Variants in MAPK10 observed in about 807,000 individuals in gnomAD.
The protein encoded by MAPK10 is JNK3 alpha protein kinase.
MAPK10 carries 25 observed loss-of-function variants against 59.3 expected under a neutral mutation model. That is an observed-to-expected ratio of 0.42 (90% CI 0.31 to 0.59). MAPK10 has a LOEUF of 0.59. MAPK10 is among the 20% of genes least tolerant of loss of function. MAPK10 has a pLI of 0.15. For missense variants in MAPK10, 351 were observed against 568.9 expected, an observed-to-expected ratio of 0.62 and a Z score of 3.90; for synonymous variants, 190 against 200.5, an observed-to-expected ratio of 0.95 and a Z score of 0.44.
intron 2 of MAPK10, among the ~76,000 whole-genome samples, chr4:86,332,096 T>C (rs1373138448): frequency 6.6e-6 from 1 of 152,196 alleles, no homozygotes; most frequent in Non-Finnish European, 1.5e-5. Flanking sequence ...AAAGCTCCAT[T>C]TATGGTACAC....
chr4:86,454,420 AAC>A (rs1751057349), upstream of MAPK10, among the ~76,000 whole-genome samples: 1 of 152,202 alleles, frequency 6.6e-6, no homozygotes, highest in South Asian at 2.1e-4. Context: ...ATAAATAAAA[AAC>A]AATCAAAACT....
intron 1 of MAPK10, among the ~76,000 whole-genome samples, chr4:86,557,239 A>G (rs1365818881): frequency 1.3e-5 from 2 of 152,104 alleles, no homozygotes; most frequent in African/African-American, 4.8e-5. Context: ...AAGATATATT[A>G]CTTCCTGTTT....
chr4:86,305,793 T>C (rs2095556390), intron 2 of MAPK10, among the ~76,000 whole-genome samples: 1 of 144,396 alleles, frequency 6.9e-6, no homozygotes, highest in African/African-American at 2.6e-5. Flanking sequence ...CACTACAGCC[T>C]GGGCGACAAG....
chr4:86,221,521 T>TG (rs1464425560), intron 2 of MAPK10, among the ~76,000 whole-genome samples: 3 of 152,052 alleles, frequency 2.0e-5, no homozygotes, highest in African/African-American at 7.2e-5. Flanking sequence ...TCTGTCTCCC[T>TG]GGCTGCCCAG....
chr4:86,575,156 C>T (rs1761787092), intron 1 of MAPK10, among the ~76,000 whole-genome samples: 1 of 152,154 alleles, frequency 6.6e-6, no homozygotes. Flanking sequence ...GGACATTGGC[C>T]TTCTCCTGCC....
intron 2 of MAPK10, among the ~76,000 whole-genome samples, chr4:86,301,498 G>T (rs1439738169): frequency 2.6e-5 from 4 of 151,996 alleles, no homozygotes; most frequent in Non-Finnish European, 5.9e-5. Context: ...ATACGTAACT[G>T]TCAACTGAAG....
intron 1 of MAPK10, among the ~76,000 whole-genome samples, chr4:86,377,768 G>A (rs768656281): frequency 3.3e-5 from 5 of 152,076 alleles, no homozygotes; most frequent in African/African-American, 4.8e-5. Context: ...GTTCTCTAGA[G>A]GGACAGAACT....
chr4:86,052,531 TTAGGGGTCA>T (rs1038448778), intron 11 of MAPK10, among the ~76,000 whole-genome samples: 1 of 151,190 alleles, frequency 6.6e-6, no homozygotes, highest in African/African-American at 2.4e-5. Flanking sequence ...TAAGGAACCC[TTAGGGGTCA>T]TAGGAAAGCT....
chr4:86,525,078 G>A lies in MAPK10; in HGVS notation c.-263+68832C>T, dbSNP rs541888338. ...TTTGGGAGGCTGACACGGGCAGATC[G>A]CTTGAGCTCGAGTTCGAGACCAGCC... On this transcript the variant is annotated intron_variant, in intron 1 of 4. Coordinates refer to the MAPK10 transcript ENST00000502302. 2.7e-3 allele frequency among the ~76,000 whole-genome samples: 408 copies of A among 152,144 alleles called. 2 individuals are homozygous for A. Among genetic ancestry groups the A allele is most frequent in the African/African-American group, 9.5e-3 (394 of 41,526 alleles).
At chr4:86,206,586 G>C (rs556376164) in intron 2 of MAPK10, among the ~76,000 whole-genome samples, 3 of 151,002 alleles carry the variant, frequency 2.0e-5, no homozygotes, top group South Asian at 4.2e-4. Context: ...GGGTCAAATG[G>C]TATTTCTAGT....
chr4:86,107,386 A>C, intron 4 of MAPK10, 34 bp from the exon 5 acceptor site: 1 of 1,591,066 alleles, frequency 6.3e-7, no homozygotes, highest in Non-Finnish European at 8.5e-7. Flanking sequence ...AGAATTAAGA[A>C]CAAAAGATTC....
intron 11 of MAPK10, among the ~76,000 whole-genome samples, chr4:86,052,085 G>T (rs1007811019): frequency 1.3e-5 from 2 of 151,836 alleles, no homozygotes; most frequent in Non-Finnish European, 2.9e-5. Flanking sequence ...TTTTTATAAT[G>T]TTAATAGTTT....
At chr4:86,109,542 A>G (rs2057110201) in intron 4 of MAPK10, among the ~76,000 whole-genome samples, 1 of 152,198 alleles carries the variant, frequency 6.6e-6, no homozygotes, top group African/African-American at 2.4e-5. Context: ...AGTTCCATCC[A>G]TGTCCCTGCA....
intron 1 of MAPK10, among the ~76,000 whole-genome samples, chr4:86,572,006 C>T (rs1005289903): frequency 6.6e-5 from 10 of 151,358 alleles, no homozygotes; most frequent in African/African-American, 1.9e-4. Flanking sequence ...TTTTGTCATT[C>T]GTCTTTATAT....
intron 1 of MAPK10, among the ~76,000 whole-genome samples, chr4:86,482,583 G>A (rs1753691675): frequency 6.6e-6 from 1 of 152,152 alleles, no homozygotes; most frequent in South Asian, 2.1e-4. Context: ...CCAACAATGA[G>A]AAATTGTTGA....
chr4:86,549,413 T>C (rs1308646636), intron 1 of MAPK10, among the ~76,000 whole-genome samples: 1 of 152,150 alleles, frequency 6.6e-6, no homozygotes, highest in Non-Finnish European at 1.5e-5. Context: ...GTACTGAATA[T>C]GGTAGGGAAT....
chr4:86,289,645 A>G (rs1459281018), intron 2 of MAPK10, among the ~76,000 whole-genome samples: 1 of 149,912 alleles, frequency 6.7e-6, no homozygotes, highest in Non-Finnish European at 1.5e-5. Context: ...TATTAATATT[A>G]TATGTATGTT....
chr4:86,169,849 G>C (rs2073433568), intron 3 of MAPK10, among the ~76,000 whole-genome samples: 1 of 152,116 alleles, frequency 6.6e-6, no homozygotes, highest in South Asian at 2.1e-4. Context: ...AAGCCCATCA[G>C]ACTAACAGCG....
intron 3 of MAPK10, among the ~76,000 whole-genome samples, chr4:86,178,288 TCA>T (rs766719508): frequency 1.6e-4 from 25 of 152,094 alleles, no homozygotes; most frequent in Admixed American, 5.2e-4. Context: ...AATAAATTTT[TCA>T]CACACAGTAA....
Sources: allele counts gnomAD v4.1 joint callset (sites outside exome capture counted in the v4.1 genomes callset), GRCh38; gene constraint gnomAD v4.1.1; transcripts MANE v1.5; gene names NCBI Gene and HGNC (gene_info 2026-07-23, HGNC 2026-07-21).